The following EHD4 variants were observed in gnomAD, a reference collection of about 807,000 sequenced individuals.
The protein encoded by EHD4 is EH domain containing 4.
In EHD4, 37 loss-of-function variants were observed where a neutral mutation model predicts 51.0. The observed-to-expected ratio is 0.73, with a 90% CI of 0.56 to 0.95. The LOEUF (loss-of-function observed/expected upper bound fraction) is 0.95. Among genes scored for constraint, EHD4 ranks in the 40% least tolerant of loss-of-function variants. EHD4 has a pLI of 0.00. For missense variants in EHD4, 632 were observed against 733.1 expected (o/e 0.86, Z 1.59); for synonymous variants, 297 against 317.3 (o/e 0.94, Z 0.68).
At chr15:41,916,699 C>T (rs570159339) in intron 4 of EHD4, among the ~76,000 whole-genome samples, 54 of 152,322 alleles carry the variant, frequency 3.5e-4, no homozygotes, top group South Asian at 1.9e-3. Flanking sequence ...TGGCCAAGGC[C>T]GCCGTGCTGA....
intron 1 of EHD4, among the ~76,000 whole-genome samples, chr15:41,965,583 A>C (rs1262845626): frequency 1.3e-5 from 2 of 152,190 alleles, no homozygotes; most frequent in Non-Finnish European, 2.9e-5. Flanking sequence ...AAACAAAAAC[A>C]GATTTTGGAG....
intron 3 of EHD4, among the ~76,000 whole-genome samples, chr15:41,936,589 G>T (rs1839734678): frequency 6.6e-6 from 1 of 152,212 alleles, no homozygotes; most frequent in African/African-American, 2.4e-5. Flanking sequence ...TGCAAAGTAA[G>T]TGAAGTGTCC....
intron 5 of EHD4, among the ~76,000 whole-genome samples, chr15:41,903,308 C>A (rs1595528728): frequency 8.6e-6 from 1 of 115,638 alleles, no homozygotes; most frequent in Non-Finnish European, 1.8e-5. Context: ...TTGGTGTTAT[C>A]ATAAATATCA....
chr15:41,958,089 A>G (rs759901120), intron 1 of EHD4, among the ~76,000 whole-genome samples: 1 of 150,186 alleles, frequency 6.7e-6, no homozygotes, highest in Non-Finnish European at 1.5e-5. Context: ...GGACTCTAGT[A>G]TTATCTGCAA....
At chr15:41,957,094 G>C (rs1427458011) in intron 1 of EHD4, among the ~76,000 whole-genome samples, 1 of 152,184 alleles carries the variant, frequency 6.6e-6, no homozygotes, top group Non-Finnish European at 1.5e-5. Context: ...ATTTTGGGAG[G>C]CCGCAGTGGG....
intron 5 of EHD4, among the ~76,000 whole-genome samples, chr15:41,902,980 C>T (rs878904859): frequency 2.0e-5 from 3 of 151,580 alleles, no homozygotes; most frequent in Admixed American, 2.0e-4. Flanking sequence ...AGAGAAAACA[C>T]TTGTTTATTG....
At position 41,909,725 on chromosome 15, in the gene EHD4, C is replaced by T; in HGVS notation, c.1063G>A (p.Asp355Asn). Residue 355 changes from aspartate to asparagine, a missense_variant, in exon 5 of 6, where the codon GAC (aspartate) becomes AAC (asparagine). Asp to Asn is a conservative substitution (Grantham distance 23). Transcript: ENST00000220325. ...TGCATAGCCTTGACCTCAGGGAAGT[C>T]CCCTGCAGAAATCTGGTATTCTCGC... ...LQREYQISAGDFPEVKAMQEQ... is the reference protein window; with the variant it reads ...LQREYQISAGNFPEVKAMQEQ... 6.2e-7 allele frequency: 1 copy of T among 1,614,184 alleles called. No individual in the cohort carries two copies. The highest frequency in any genetic ancestry group is 8.5e-7 in the Non-Finnish European group (1 of 1,180,034).
chr15:41,915,209 A>T (rs1263810964), intron 4 of EHD4, among the ~76,000 whole-genome samples: 1 of 152,134 alleles, frequency 6.6e-6, no homozygotes, highest in Non-Finnish European at 1.5e-5. Flanking sequence ...CTGCTCATTG[A>T]GTTATTAGCC....
In EHD4 at chr15:41,919,267, G is replaced by C. The variant is rs780434875; in HGVS notation, c.867C>G (p.Pro289=). The C allele has an allele frequency of 2.2e-5, 36 of 1,614,018 alleles. No individual in the cohort carries two copies. The Admixed American group carries it at 5.8e-4, about 26-fold the overall frequency. ...TGAGCTTGCGCACCGCTGCCTTCTGGGGGAGGCTCTGGATGTCTCTAAAGA... is the reference window on the plus strand; with the variant it reads ...TGAGCTTGCGCACCGCTGCCTTCTGCGGGAGGCTCTGGATGTCTCTAAAGA... ...QDLFRDIQSL[P]QKAAVRKLND... Residue 289 remains proline, a synonymous_variant, in exon 4 of 6, where the codon CCC becomes CCG. Coordinates refer to ENST00000220325, the MANE Select transcript of EHD4 (RefSeq NM_139265.4).
intron 1 of EHD4, among the ~76,000 whole-genome samples, chr15:41,969,374 C>G (rs528656186): frequency 1.3e-5 from 2 of 152,216 alleles, no homozygotes; most frequent in East Asian, 3.9e-4. Flanking sequence ...TGGAAAAACC[C>G]CATCTCTACT....
Position 41,900,711 on chromosome 15 carries a change from CAGCTCGTAGCCGTCG to C in EHD4, c.1545_1559del (p.Asp516_Leu520del). 6.2e-7 allele frequency: 1 copy of C among 1,609,712 alleles called. No individual in the cohort carries two copies. The highest frequency in any genetic ancestry group is 8.5e-7 in the Non-Finnish European group (1 of 1,179,742). On this transcript the variant is annotated inframe_deletion, in exon 6 of 6. Coordinates refer to ENST00000220325, the MANE Select transcript of EHD4 (RefSeq NM_139265.4). This position sits in a 1 kb window ranked among gnomAD's most constrained non-coding sequence, Gnocchi z 4.8. ...CGAGGTGGGGGGGCAGGCTGCTGGG[CAGCTCGTAGCCGTCG>C]AGCTTGATCTTGATGAGGTGCTTGG...
At chr15:41,916,906 C>G (rs894231670) in intron 4 of EHD4, among the ~76,000 whole-genome samples, 8 of 152,158 alleles carry the variant, frequency 5.3e-5, no homozygotes, top group Admixed American at 3.9e-4. Context: ...GTAAGCTCAG[C>G]AAGTTTGACC....
intron 2 of EHD4, among the ~76,000 whole-genome samples, chr15:41,947,534 T>C (rs533736447): frequency 4.6e-5 from 7 of 152,294 alleles, no homozygotes; most frequent in African/African-American, 1.2e-4. Flanking sequence ...GCCCACTTTA[T>C]TGATGAGGGT....
At chr15:41,932,439 C>T (rs2067705314) in intron 3 of EHD4, among the ~76,000 whole-genome samples, 1 of 152,200 alleles carries the variant, frequency 6.6e-6, no homozygotes, top group South Asian at 2.1e-4. Context: ...CACCTACCCA[C>T]CGCAGGGTGC....
chr15:41,970,807 G>A (rs1054423018), intron 1 of EHD4, among the ~76,000 whole-genome samples: 3 of 152,292 alleles, frequency 2.0e-5, no homozygotes, highest in South Asian at 2.1e-4. Flanking sequence ...CAACAGTACC[G>A]CTTCCCACTC....
intron 3 of EHD4, 169 bp downstream of exon 3, chr15:41,942,898 G>T: frequency 1.7e-6 from 1 of 586,162 alleles, no homozygotes; most frequent in Non-Finnish European, 3.1e-6. Context: ...CTCTGGAGGG[G>T]GCAGAGTCTT....
At chr15:41,928,041 G>A (rs986232033) in intron 3 of EHD4, among the ~76,000 whole-genome samples, 2 of 152,074 alleles carry the variant, frequency 1.3e-5, no homozygotes, top group Admixed American at 1.3e-4. Flanking sequence ...GGATCGCTCA[G>A]GTATTATAAA....
At chr15:41,932,023 G>A (rs957884098) in intron 3 of EHD4, among the ~76,000 whole-genome samples, 4 of 151,872 alleles carry the variant, frequency 2.6e-5, no homozygotes, top group Non-Finnish European at 5.9e-5. Context: ...CAATTTTCAA[G>A]ATATATTTGC....
chr15:41,938,870 T>C (rs1181784608), intron 3 of EHD4, among the ~76,000 whole-genome samples: 1 of 152,346 alleles, frequency 6.6e-6, no homozygotes, highest in African/African-American at 2.4e-5. Flanking sequence ...GATGTTATGA[T>C]TGGAGTCAGA....
Sources: allele counts gnomAD v4.1 joint callset (sites outside exome capture counted in the v4.1 genomes callset), GRCh38; gene constraint gnomAD v4.1.1; non-coding constraint Gnocchi (gnomAD v3.1); transcripts MANE v1.5; gene names NCBI Gene and HGNC (gene_info 2026-07-23, HGNC 2026-07-21).